Variants in DTHD1 observed in about 807,000 individuals in gnomAD.
DTHD1 encodes death domain containing 1.
DTHD1 carries 59 observed loss-of-function variants against 74.8 expected under a neutral mutation model. The observed-to-expected ratio is 0.79, with a 90% CI of 0.64 to 0.98. The LOEUF is 0.98. DTHD1 is among the 50% of genes least tolerant of loss of function. The pLI is 0.00. For synonymous variants in DTHD1, 365 were observed against 371.1 expected (o/e 0.98, Z 0.19); for missense variants, 1,051 against 1,065.4 (o/e 0.99, Z 0.19).
rs1285413893 is a variant in DTHD1, at chr4:36,343,577, C to G, written c.2474C>G (p.Thr825Ser). ...GAAAATGCTGAGTCTCTTTCCTCAA[C>G]TCTCCCTCTGCGCCGTAGCACCATT... ...SEENAESLSSTLPLRRSTIQL... is the reference protein window; with the variant it reads ...SEENAESLSSSLPLRRSTIQL... Residue 825 changes from threonine to serine, a missense_variant, in exon 10 of 10, where the codon ACT becomes AGT. By Grantham distance (58) the Thr-to-Ser change is moderately conservative. Coordinates refer to ENST00000639862, the MANE Select transcript of DTHD1 (RefSeq NM_001170700.3). 2 of 1,551,560 alleles carry G rather than the reference C, an allele frequency of 1.3e-6. No homozygotes were observed. The highest frequency in any genetic ancestry group is 2.0e-5 in the Admixed American group (1 of 50,980).
chr4:36,293,217 A>G (rs2109460272), intron 3 of DTHD1, among the ~76,000 whole-genome samples: 1 of 152,340 alleles, frequency 6.6e-6, no homozygotes, highest in Non-Finnish European at 1.5e-5. Context: ...AATTCTAGGA[A>G]CAATCATATT....
chr4:36,305,264 A>G (rs974073878), intron 5 of DTHD1, among the ~76,000 whole-genome samples: 1 of 152,188 alleles, frequency 6.6e-6, no homozygotes, highest in Non-Finnish European at 1.5e-5. Context: ...ATAAAGACAT[A>G]CCCAAGACTG....
intron 8 of DTHD1, among the ~76,000 whole-genome samples, chr4:36,320,349 C>A: frequency 6.6e-6 from 1 of 152,258 alleles, no homozygotes; most frequent in Non-Finnish European, 1.5e-5. Context: ...ATTGCCAGTG[C>A]GGACACATAG....
chr4:36,336,172 G>C (rs909684393), intron 8 of DTHD1, among the ~76,000 whole-genome samples: 16 of 152,174 alleles, frequency 1.1e-4, no homozygotes, highest in African/African-American at 3.6e-4. Context: ...TAGAGGGCTG[G>C]AGAGTCACCT....
At chr4:36,337,171 T>C (rs974790992) in intron 8 of DTHD1, among the ~76,000 whole-genome samples, 1 of 151,886 alleles carries the variant, frequency 6.6e-6, no homozygotes, top group East Asian at 1.9e-4. Context: ...CAAAAAAGGC[T>C]TGGGGGCATG....
intron 8 of DTHD1, among the ~76,000 whole-genome samples, chr4:36,331,459 T>C (rs1302071308): frequency 6.6e-6 from 1 of 152,178 alleles, no homozygotes; most frequent in Non-Finnish European, 1.5e-5. Flanking sequence ...ATGATTCTGG[T>C]AAAAATCCAT....
chr4:36,327,966 A>AT (rs1758448042), intron 8 of DTHD1, among the ~76,000 whole-genome samples: 2 of 152,116 alleles, frequency 1.3e-5, no homozygotes, highest in Admixed American at 1.3e-4. Flanking sequence ...AAATTTATCA[A>AT]TCCCCCCTCC....
intron 2 of DTHD1, 36 bp downstream of exon 2, chr4:36,284,627 C>T: frequency 7.1e-7 from 1 of 1,404,678 alleles, no homozygotes; most frequent in Non-Finnish European, 9.4e-7. Flanking sequence ...CTTAAGTATG[C>T]CTACTTATAT....
chr4:36,309,387 G>C (rs1476024383), intron 7 of DTHD1, among the ~76,000 whole-genome samples: 1 of 152,202 alleles, frequency 6.6e-6, no homozygotes, highest in Non-Finnish European at 1.5e-5. Context: ...GGGAGGCGGA[G>C]GTTGCAGGTT....
At chr4:36,340,083 C>G (rs1759233664) in intron 9 of DTHD1, among the ~76,000 whole-genome samples, 1 of 152,266 alleles carries the variant, frequency 6.6e-6, no homozygotes, top group Admixed American at 6.5e-5. Flanking sequence ...CTTATGGGTA[C>G]TAGGAGTTCT....
At chr4:36,285,006 A>G (rs375425907) in intron 2 of DTHD1, among the ~76,000 whole-genome samples, 18 of 152,284 alleles carry the variant, frequency 1.2e-4, no homozygotes, top group Admixed American at 5.2e-4. Context: ...GGAGACACAA[A>G]CAGTTAGACT....
chr4:36,308,464 T>G lies in DTHD1; in HGVS notation c.2066T>G (p.Leu689Ter). Residue 689 changes from leucine (L) to a stop codon, truncating the protein, a stop_gained, in exon 7 of 10, where the codon TTA (leucine) becomes TGA (stop). Transcript: ENST00000639862. LOFTEE classifies it high-confidence loss of function. ...FQVREGEQLLLRFTGNIFASS... is the reference protein window; with the variant it reads ...FQVREGEQLL ...GTTCGAGAAGGAGAACAACTTCTTT[T>G]AAGATTTACTGGAAACATATTTGCT... The G allele has an allele frequency of 6.4e-7, 1 of 1,551,552 alleles. No individual in the cohort carries two copies. The highest frequency in any genetic ancestry group is 8.7e-7 in the Non-Finnish European group (1 of 1,146,838).
At position 36,329,869 on chromosome 4, in the gene DTHD1, G is replaced by A. The variant is rs111988255; in HGVS notation, c.2341-9243G>A. On this transcript the variant is annotated intron_variant, in intron 8 of 9. Coordinates refer to ENST00000639862, the MANE Select transcript of DTHD1 (RefSeq NM_001170700.3). Reference sequence around the variant, plus strand: ...GGTTCAGAGATCTTGGCTGGCAACCGAATTTAATAATATTGTTATGTTTTA... The same window carrying A: ...GGTTCAGAGATCTTGGCTGGCAACCAAATTTAATAATATTGTTATGTTTTA... 5.6e-3 allele frequency among the ~76,000 whole-genome samples: 855 copies of A among 152,182 alleles called. 2 individuals are homozygous for A. The highest frequency in any genetic ancestry group is 0.02 in the African/African-American group (818 of 41,526).
intron 7 of DTHD1, among the ~76,000 whole-genome samples, 182 bp from the exon 8 acceptor site, chr4:36,316,060 C>T (rs192142991): frequency 5.3e-5 from 8 of 152,282 alleles, no homozygotes; most frequent in African/African-American, 1.7e-4. Flanking sequence ...CTCAGCCTCC[C>T]GAGTAGCTGG....
intron 2 of DTHD1, among the ~76,000 whole-genome samples, chr4:36,287,592 C>T (rs907620716): frequency 2.6e-5 from 4 of 152,344 alleles, no homozygotes; most frequent in African/African-American, 9.6e-5. Context: ...TACTAGTTTA[C>T]ATTCCCACAC....
chr4:36,325,576 T>C (rs920795735), intron 8 of DTHD1, among the ~76,000 whole-genome samples: 4 of 152,104 alleles, frequency 2.6e-5, no homozygotes, highest in African/African-American at 7.2e-5. Flanking sequence ...ACAGTAAAGA[T>C]AGCAAGAAAA....
At chr4:36,301,941 A>G (rs1390746509) in intron 5 of DTHD1, among the ~76,000 whole-genome samples, 2 of 152,192 alleles carry the variant, frequency 1.3e-5, no homozygotes, top group Non-Finnish European at 2.9e-5. Flanking sequence ...AGGATGACCT[A>G]GGCTCATTTT....
intron 8 of DTHD1, among the ~76,000 whole-genome samples, chr4:36,318,776 A>G (rs895809836): frequency 1.3e-4 from 19 of 151,886 alleles, no homozygotes; most frequent in Admixed American, 3.3e-4. Flanking sequence ...CACCACGCCC[A>G]GCTAATTTTT....
At chr4:36,323,316 T>C (rs1296840243) in intron 8 of DTHD1, among the ~76,000 whole-genome samples, 1 of 152,186 alleles carries the variant, frequency 6.6e-6, no homozygotes, top group East Asian at 1.9e-4. Flanking sequence ...AATCAGTTCG[T>C]CAGAATCGCC....
Sources: gnomAD v4.1 joint callset for allele counts (sites outside exome capture counted in the v4.1 genomes callset) on GRCh38, gnomAD v4.1.1 for gene constraint, MANE v1.5 for transcripts, NCBI Gene and HGNC (gene_info 2026-07-23, HGNC 2026-07-21) for gene names.